The following IFT80 variants were observed in gnomAD, a reference collection of about 807,000 sequenced individuals.
IFT80 encodes the protein intraflagellar transport protein 80 homolog.
In IFT80, 79 loss-of-function variants were observed where a neutral mutation model predicts 107.9. That is an observed-to-expected ratio of 0.73 (90% confidence interval 0.61 to 0.88). The LOEUF is 0.88. Ranked by LOEUF, IFT80 falls within the 40% of genes least tolerant of loss-of-function variation. The pLI, the probability that IFT80 is intolerant of heterozygous loss-of-function variation, is 0.00. For missense variants in IFT80, 797 were observed against 914.2 expected (o/e 0.87, Z 1.65); for synonymous variants, 299 against 300.9 (o/e 0.99, Z 0.07).
At chr3:160,280,062 A>G (rs1714567301) in intron 15 of IFT80, among the ~76,000 whole-genome samples, 2 of 152,212 alleles carry the variant, frequency 1.3e-5, no homozygotes, top group African/African-American at 4.8e-5. Flanking sequence ...AATACTAAAA[A>G]CAAACTCAAA....
chr3:160,285,339 A>C (rs1311676346), intron 13 of IFT80, among the ~76,000 whole-genome samples: 1 of 152,222 alleles, frequency 6.6e-6, no homozygotes, highest in East Asian at 1.9e-4. Flanking sequence ...TCTAAGGCTA[A>C]AAATCAGAAA....
chr3:160,352,858 A>G (rs1337703232), intron 8 of IFT80, among the ~76,000 whole-genome samples: 1 of 152,104 alleles, frequency 6.6e-6, no homozygotes. Flanking sequence ...ATTTCTTTCC[A>G]TCTCCACTGC....
intron 8 of IFT80, among the ~76,000 whole-genome samples, chr3:160,351,318 T>A (rs966387272): frequency 4.0e-5 from 6 of 149,904 alleles, no homozygotes; most frequent in Admixed American, 4.0e-4. Flanking sequence ...TTATAAGAAT[T>A]ATATTCCATA....
At chr3:160,345,115 G>A (rs1208263056) in intron 8 of IFT80, among the ~76,000 whole-genome samples, 2 of 152,260 alleles carry the variant, frequency 1.3e-5, no homozygotes, top group East Asian at 3.9e-4. Context: ...AAAAGAATCA[G>A]TATATCCAAG....
At chr3:160,334,427 G>A (rs576326618) in intron 8 of IFT80, among the ~76,000 whole-genome samples, 1 of 137,906 alleles carries the variant, frequency 7.3e-6, no homozygotes, top group Admixed American at 7.0e-5. Context: ...AAATTGGCTC[G>A]CTTTTTTTTT....
chr3:160,276,433 T>C (rs892303436), intron 18 of IFT80, among the ~76,000 whole-genome samples: 2 of 152,182 alleles, frequency 1.3e-5, no homozygotes, highest in African/African-American at 4.8e-5. Flanking sequence ...TAAAGAGCCT[T>C]GTAATTGACA....
chr3:160,344,293 A>T (rs1261072015), intron 8 of IFT80, among the ~76,000 whole-genome samples: 1 of 151,950 alleles, frequency 6.6e-6, no homozygotes, highest in Non-Finnish European at 1.5e-5. Flanking sequence ...TCAGACTGTG[A>T]TCTGTTTTCC....
chr3:160,384,784 GA>G (rs931997331), intron 1 of IFT80, 138 bp from the exon 2 acceptor site: 4 of 614,860 alleles, frequency 6.5e-6, no homozygotes, highest in East Asian at 3.1e-5. Context: ...CATGGAAAGA[GA>G]AAAAAAACTA....
intron 8 of IFT80, among the ~76,000 whole-genome samples, chr3:160,354,503 A>T (rs1720929211): frequency 6.6e-6 from 1 of 151,952 alleles, no homozygotes; most frequent in Non-Finnish European, 1.5e-5. Flanking sequence ...CACCAAAAAA[A>T]CTAGCCGGGC....
At position 160,277,639 on chromosome 3, in the gene IFT80, A is replaced by G. The variant is rs1441644666; in HGVS notation, c.1868T>C (p.Met623Thr). The change falls in exon 17 of 20, where the codon ATG (methionine) becomes ACG (threonine). Residue 623 changes from methionine to threonine, a missense_variant. Coordinates refer to ENST00000326448, the MANE Select transcript of IFT80 (RefSeq NM_020800.3). ...AGTCATATCTCGATTAGCAACTGCC[A>G]TAGCAGCTAGACAAGCCCACATGGT... ...EQTMWACLAA[M>T]AVANRDMTTA... 1 of 1,613,738 alleles carries G rather than the reference A, an allele frequency of 6.2e-7. No individual in the cohort carries two copies. The highest frequency in any genetic ancestry group is 8.5e-7 in the Non-Finnish European group (1 of 1,179,758).
At chr3:160,288,267 AGCTT>A (rs1715253318) in intron 12 of IFT80, among the ~76,000 whole-genome samples, 2 of 152,184 alleles carry the variant, frequency 1.3e-5, no homozygotes, top group Non-Finnish European at 2.9e-5. Flanking sequence ...CGGGAGGCGG[AGCTT>A]GCAGTGAGCC....
At chr3:160,269,823 A>G (rs886385952) in intron 18 of IFT80, among the ~76,000 whole-genome samples, 2 of 152,190 alleles carry the variant, frequency 1.3e-5, no homozygotes, top group Admixed American at 1.3e-4. Flanking sequence ...AAAGCACATT[A>G]TTTCTCAAGT....
At chr3:160,347,413 T>C (rs1720368648) in intron 8 of IFT80, among the ~76,000 whole-genome samples, 1 of 152,192 alleles carries the variant, frequency 6.6e-6, no homozygotes, top group African/African-American at 2.4e-5. Flanking sequence ...TTTCTAGGGC[T>C]GCCTATTCCA....
At chr3:160,262,596 A>C (rs116774473) in intron 19 of IFT80, among the ~76,000 whole-genome samples, 2,209 of 152,252 alleles carry the variant, frequency 0.015, 52 homozygotes, top group African/African-American at 0.046. Flanking sequence ...AAGTGCTGAG[A>C]TTACAGGGGT....
At position 160,301,046 on chromosome 3, in the gene IFT80, TC is replaced by T; in HGVS notation, c.1152-1del. The T allele has an allele frequency of 6.4e-7, 1 of 1,569,140 alleles. No homozygotes were observed. Among genetic ancestry groups the T allele is most frequent in the Non-Finnish European group, 8.7e-7 (1 of 1,145,826 alleles). ...TACTACCATCTACAAGAAGAAAATG[TC>T]TAAAAAATAAAGAATAGAAATAGAT... On this transcript the variant is annotated splice_acceptor_variant, in intron 11 of 19. Coordinates refer to ENST00000326448, the MANE Select transcript of IFT80 (RefSeq NM_020800.3). LOFTEE classifies it high-confidence loss of function.
At chr3:160,349,440 C>T (rs984586318) in intron 8 of IFT80, among the ~76,000 whole-genome samples, 1 of 151,312 alleles carries the variant, frequency 6.6e-6, no homozygotes, top group Non-Finnish European at 1.5e-5. Flanking sequence ...CAGAGCTAGA[C>T]TCCCTCTCAA....
chr3:160,299,004 A>G (rs1716207840), intron 12 of IFT80: 3 of 462,770 alleles, frequency 6.5e-6, no homozygotes, highest in Non-Finnish European at 8.5e-6. Context: ...TATGCAGGGA[A>G]TGACTGTACT....
chr3:160,397,269 C>T lies in IFT80; in HGVS notation c.-47+1877G>A, dbSNP rs1713849924. Among the ~76,000 whole-genome samples, 5 of 152,208 alleles carry T rather than the reference C, an allele frequency of 3.3e-5. No homozygotes were observed. The South Asian group carries it at 8.3e-4, about 25-fold the overall frequency. On this transcript the variant is annotated intron_variant, in intron 1 of 19. Coordinates refer to ENST00000326448, the MANE Select transcript of IFT80 (RefSeq NM_020800.3). ...GCCTAGACTGATCTCAGTTTCTTTC[C>T]CCTTTAACATACCCCACATAACTAC...
chr3:160,370,336 G>A (rs1200286746), intron 5 of IFT80, among the ~76,000 whole-genome samples: 1 of 151,752 alleles, frequency 6.6e-6, no homozygotes, highest in East Asian at 1.9e-4. Flanking sequence ...TAATAAGCAA[G>A]CATTTGCTTA....
Sources: allele counts gnomAD v4.1 joint callset (sites outside exome capture counted in the v4.1 genomes callset), GRCh38; gene constraint gnomAD v4.1.1; transcripts MANE v1.5; gene names NCBI Gene and HGNC (gene_info 2026-07-23, HGNC 2026-07-21).